The following PRDM1 variants were observed in gnomAD, a reference collection of about 807,000 sequenced individuals.
PRDM1 encodes PR/SET domain 1, also known as PR domain zinc finger protein 1.
In PRDM1, 13 loss-of-function variants were observed where a neutral mutation model predicts 62.8. The observed-to-expected ratio is 0.21, with a 90% CI of 0.13 to 0.33. The LOEUF is 0.33. PRDM1 is among the 10% of genes least tolerant of loss of function. The pLI is 1.00. For missense variants in PRDM1, 895 were observed against 1,058.8 expected, an observed-to-expected ratio of 0.85 and a Z score of 2.15; for synonymous variants, 396 against 417.6, an observed-to-expected ratio of 0.95 and a Z score of 0.63.
At chr6:106,004,914 G>C (rs1772466197) in intron 1 of PRDM1, among the ~76,000 whole-genome samples, 1 of 152,070 alleles carries the variant, frequency 6.6e-6, no homozygotes, top group Non-Finnish European at 1.5e-5. Flanking sequence ...TGTGGAAAGG[G>C]GAAAAACTTT....
chr6:106,000,297 G>T (rs1418452996), intron 1 of PRDM1, among the ~76,000 whole-genome samples: 2 of 152,094 alleles, frequency 1.3e-5, no homozygotes, highest in Non-Finnish European at 1.5e-5. Flanking sequence ...CAAGCCAGGG[G>T]CAGTGGTGCA....
In PRDM1 at chr6:106,105,821, G is replaced by C. The variant is rs2114658181; in HGVS notation, c.1661G>C (p.Arg554Thr). Residue 554 changes from arginine (R) to threonine (T), a missense_variant, in exon 5 of 7, where the codon AGA (arginine) becomes ACA (threonine). By Grantham distance (71) the Arg-to-Thr change is moderately conservative. Around this residue, in one of 4 missense-constraint regions of PRDM1, gnomAD observed 74 missense variants for 172.4 expected, o/e 0.43. Coordinates refer to ENST00000369096, the MANE Select transcript of PRDM1 (RefSeq NM_001198.4). ...GCCATGAATCTCATTAAAAACAAAA[G>C]AAACATGACCGGCTACAAGACCCTT... ...DEAMNLIKNK[R>T]NMTGYKTLPY... is the part of the protein sequence containing the mutation. 6.2e-7 allele frequency: 1 copy of C among 1,614,202 alleles called. No individual in the cohort carries two copies. Among genetic ancestry groups the C allele is most frequent in the Non-Finnish European group, 8.5e-7 (1 of 1,180,034 alleles).
chr6:106,048,829 A>ATT (rs144697229), intron 1 of PRDM1, among the ~76,000 whole-genome samples: 1 of 145,948 alleles, frequency 6.9e-6, no homozygotes, highest in East Asian at 2.0e-4. Context: ...AATGCCTTCC[A>ATT]TTTTTTTTTT....
chr6:106,085,573 G>A (rs988501889), upstream of PRDM1, among the ~76,000 whole-genome samples: 1 of 152,122 alleles, frequency 6.6e-6, no homozygotes, highest in African/African-American at 2.4e-5. Flanking sequence ...AAAGCTGGCC[G>A]GGGCTCAGAA....
rs576214043 is a variant in PRDM1, at chr6:106,029,615, AT to A, written c.-67+35985del. On this transcript the variant is annotated intron_variant, in intron 1 of 6. Coordinates refer to the PRDM1 transcript ENST00000652320. ...TTCAACTTTTTGGTTTTTTTCTTTT[AT>A]TTTTTTTTGTGACAGGGCCTCACTC... 7.3e-4 allele frequency among the ~76,000 whole-genome samples: 109 copies of A among 149,804 alleles called. 2 individuals carry two copies. In the South Asian group the frequency reaches 0.022, roughly 30 times the overall value.
intron 1 of PRDM1, among the ~76,000 whole-genome samples, chr6:106,042,362 A>G (rs1173944874): frequency 6.6e-6 from 1 of 150,950 alleles, no homozygotes; most frequent in African/African-American, 2.4e-5. Context: ...CTCTACCAAA[A>G]ATACAAAAGA....
chr6:106,106,013 C>G lies in PRDM1; in HGVS notation c.1773+80C>G, dbSNP rs932577462. On this transcript the variant is annotated intron_variant, in intron 5 of 6. Transcript: ENST00000369096. This position sits in a 1 kb window ranked among gnomAD's most constrained non-coding sequence, Gnocchi z 4.4. ...ATTTAGCTTGCTTTCCATGGGGTAT[C>G]GATTGCATTTGCAGTAGTATGAGCC... 2 of 1,525,682 alleles carry G rather than the reference C, an allele frequency of 1.3e-6. No homozygotes were observed. The highest frequency in any genetic ancestry group is 2.6e-5 in the South Asian group (2 of 76,638). 94.5% of individuals were successfully genotyped at this position (1,525,682 alleles called of 1,614,324 possible). A position where few individuals can be genotyped will look rare whatever the true frequency, so the allele number is the denominator to read the frequency against.
rs1027621594 is a variant in PRDM1 at position 106,019,011 on chromosome 6, T to C, written c.-67+25372T>C. Among the ~76,000 whole-genome samples, 19 of 152,236 alleles carry C rather than the reference T, an allele frequency of 1.2e-4. 1 individual carries two copies. The highest frequency in any genetic ancestry group is 1.2e-3 in the Admixed American group (19 of 15,282). ...AGTGCAGGGCACAGTGGCTCACACC[T>C]GTAATCCCAGCACTTAGACCGAGGC... On this transcript the variant is annotated intron_variant, in intron 1 of 6. Transcript: ENST00000652320.
chr6:106,029,527 C>G (rs552265074), intron 1 of PRDM1, among the ~76,000 whole-genome samples: 2 of 152,118 alleles, frequency 1.3e-5, no homozygotes, highest in African/African-American at 2.4e-5. Flanking sequence ...CATGTTGTTG[C>G]GTGGATCAAG....
chr6:106,098,427 A>T (rs1408988092), intron 3 of PRDM1: 1 of 985,230 alleles, frequency 1.0e-6, no homozygotes, highest in Non-Finnish European at 1.2e-6. Context: ...CTCTAGGACA[A>T]ACTTCAAATT....
intron 1 of PRDM1, among the ~76,000 whole-genome samples, chr6:106,077,802 C>A (rs921848097): frequency 6.6e-6 from 1 of 152,156 alleles, no homozygotes; most frequent in Non-Finnish European, 1.5e-5. Context: ...TTAATGTAAA[C>A]TAGTTGTTAA....
chr6:106,069,506 T>C (rs1773479964), intron 1 of PRDM1, among the ~76,000 whole-genome samples: 1 of 152,200 alleles, frequency 6.6e-6, no homozygotes, highest in Non-Finnish European at 1.5e-5. Context: ...GTAACAATCA[T>C]GGAGAGAAAG....
At chr6:106,017,495 G>A (rs1772637027) in intron 1 of PRDM1, among the ~76,000 whole-genome samples, 1 of 152,152 alleles carries the variant, frequency 6.6e-6, no homozygotes, top group South Asian at 2.1e-4. Flanking sequence ...GGTGACCTGC[G>A]CACCTCCACC....
At position 106,086,557 on chromosome 6, in the gene PRDM1, T is replaced by C. The variant is rs1773812396; in HGVS notation, c.4T>C (p.Leu2=). ...AGATGAACGAGACTTTTCTCAGATG[T>C]TGGATATTTGCTTGGAAAAACGTGT... The part of the protein sequence containing the change: M[L]DICLEKRVGT... The change falls in exon 1 of 7, where the codon TTG becomes CTG. Residue 2 remains leucine (L), a synonymous_variant. Transcript: ENST00000369096. The C allele has an allele frequency of 1.9e-6, 3 of 1,551,638 alleles. No homozygotes were observed. Among genetic ancestry groups the C allele is most frequent in the Non-Finnish European group, 2.6e-6 (3 of 1,146,784 alleles).
At chr6:106,045,116 A>G (rs1291424017), upstream of PRDM1, among the ~76,000 whole-genome samples, 3 of 152,190 alleles carry the variant, frequency 2.0e-5, no homozygotes, top group Non-Finnish European at 2.9e-5. Flanking sequence ...TACTGTGGCT[A>G]GAAAATGCAA....
intron 3 of PRDM1, chr6:106,098,624 T>C (rs1377334870): frequency 7.6e-7 from 1 of 1,324,106 alleles, no homozygotes; most frequent in Admixed American, 2.3e-5. Context: ...AAGTGACTTC[T>C]CAGTAATAGA....
chr6:106,050,041 A>G (rs1256401922), intron 1 of PRDM1, among the ~76,000 whole-genome samples: 1 of 152,196 alleles, frequency 6.6e-6, no homozygotes, highest in Non-Finnish European at 1.5e-5. Flanking sequence ...ACACTGAGTA[A>G]GGAGCTTGAA....
At chr6:106,089,349 T>G (rs1773901209) in intron 2 of PRDM1, among the ~76,000 whole-genome samples, 2 of 152,186 alleles carry the variant, frequency 1.3e-5, no homozygotes, top group African/African-American at 2.4e-5. Context: ...TTCTATTACT[T>G]CCTTCAGAAA....
At chr6:106,072,445 C>T (rs376045992) in intron 1 of PRDM1, among the ~76,000 whole-genome samples, 1 of 152,206 alleles carries the variant, frequency 6.6e-6, no homozygotes, top group East Asian at 1.9e-4. Context: ...ACTAAAGTAT[C>T]TCATATTCCC....
Sources: allele counts gnomAD v4.1 joint callset (sites outside exome capture counted in the v4.1 genomes callset), GRCh38; gene constraint gnomAD v4.1.1; regional missense constraint gnomAD v4.1.1; non-coding constraint Gnocchi (gnomAD v3.1); transcripts MANE v1.5; gene names NCBI Gene and HGNC (gene_info 2026-07-23, HGNC 2026-07-21).